Variants in SPACA3 observed in about 807,000 individuals in gnomAD.
SPACA3 encodes the protein sperm acrosome membrane-associated protein 3.
A neutral mutation model predicts 24.5 loss-of-function variants in SPACA3; 21 were observed. The observed-to-expected ratio is 0.86, with a 90% CI of 0.61 to 1.24. The LOEUF is 1.24. SPACA3 is among the 50% of genes most tolerant of loss of function. The pLI, the probability that SPACA3 is intolerant of heterozygous loss-of-function variation, is 0.00. For missense variants in SPACA3, 278 were observed against 275.5 expected, an observed-to-expected ratio of 1.01 and a Z score of -0.06; for synonymous variants, 115 against 106.9, an observed-to-expected ratio of 1.08 and a Z score of -0.47.
intron 3 of SPACA3, 96 bp downstream of exon 3, chr17:32,997,097 G>T: frequency 7.2e-7 from 1 of 1,389,330 alleles, no homozygotes; most frequent in Non-Finnish European, 9.6e-7. Context: ...CTCTGAGTGA[G>T]GGTTCCCCCA....
chr17:32,997,574 G>C (rs1168017729), intron 4 of SPACA3, 51 bp downstream of exon 4: 1 of 1,573,784 alleles, frequency 6.4e-7, no homozygotes, highest in Admixed American at 1.7e-5. Flanking sequence ...TAGGACTGGT[G>C]GGCAGCAGCA....
chr17:32,995,206 A>C (rs1207855045), intron 1 of SPACA3, among the ~76,000 whole-genome samples: 5 of 152,182 alleles, frequency 3.3e-5, no homozygotes, highest in Non-Finnish European at 7.3e-5. Flanking sequence ...CCTCAGGACT[A>C]AATAATCCGT....
intron 1 of SPACA3, 136 bp downstream of exon 1, chr17:32,992,108 G>GGAGAGA (rs113235680): frequency 1.1e-5 from 8 of 719,336 alleles, no homozygotes; most frequent in Admixed American, 2.6e-5. Flanking sequence ...AGCTGAGAGA[G>GGAGAGA]GAGAGAGAGA....
intron 1 of SPACA3, chr17:32,992,706 G>A (rs1329596356): frequency 2.7e-6 from 1 of 364,106 alleles, no homozygotes; most frequent in Non-Finnish European, 5.4e-6. Flanking sequence ...ATGAGTCAGA[G>A]TTAACCATGT....
rs779828264 is a variant in SPACA3, at chr17:32,995,525, G to A, written c.151G>A (p.Ala51Thr). The change falls in exon 2 of 5, where the codon GCC (alanine) becomes ACC (threonine). Residue 51 changes from alanine to threonine, a missense_variant. Physicochemically the swap from Ala to Thr is moderately conservative, Grantham distance 58 (BLOSUM62 0). Transcript: ENST00000269053. ...GAGTGGTGGTGGCTCCACCTCTGCC[G>A]CCGGCATAGAAGCCAGGAGCAGGGC... ...SQSGGGSTSA[A>T]GIEARSRALR... The A allele has an allele frequency of 3.7e-5, 59 of 1,614,056 alleles. No individual in the cohort carries two copies. In the Middle Eastern group the frequency reaches 4.9e-4, roughly 13 times the overall value.
chr17:32,994,537 T>C (rs2091710593), intron 1 of SPACA3, among the ~76,000 whole-genome samples: 1 of 152,120 alleles, frequency 6.6e-6, no homozygotes, highest in Non-Finnish European at 1.5e-5. Context: ...CTCTTTCACT[T>C]TTTGACTCTG....
chr17:32,995,004 G>C (rs755662647), intron 1 of SPACA3, among the ~76,000 whole-genome samples: 79 of 152,192 alleles, frequency 5.2e-4, no homozygotes, highest in Admixed American at 6.5e-4. Context: ...TTCTGGGGGA[G>C]ACCTTGTTTC....
Position 32,995,501 on chromosome 17 carries a change from A to AGTG in SPACA3, c.135_137dup (p.Gly46dup). The AGTG allele has an allele frequency of 1.9e-6, 3 of 1,614,104 alleles. No homozygotes were observed. Among genetic ancestry groups the AGTG allele is most frequent in the Non-Finnish European group, 2.5e-6 (3 of 1,180,026 alleles). ...ATCCCAAAGCTCAGCTCTGAGCCAG[A>AGTG]GTGGTGGTGGCTCCACCTCTGCCGC... On this transcript the variant is annotated inframe_insertion, in exon 2 of 5. Transcript: ENST00000269053.
chr17:32,992,574 G>A (rs928759735), intron 1 of SPACA3, among the ~76,000 whole-genome samples: 2 of 152,208 alleles, frequency 1.3e-5, no homozygotes, highest in African/African-American at 4.8e-5. Flanking sequence ...GGGAAAGACT[G>A]ACATCTATTC....
At chr17:32,997,079 A>C in intron 3 of SPACA3, 78 bp downstream of exon 3, 1 of 1,448,360 alleles carries the variant, frequency 6.9e-7, no homozygotes, top group Non-Finnish European at 9.1e-7. Context: ...TTAGTTTGCT[A>C]CCCCCATCTC....
chr17:32,996,937 C>T lies in SPACA3; in HGVS notation c.438C>T (p.Asn146=). The T allele has an allele frequency of 6.2e-7, 1 of 1,607,606 alleles. No homozygotes were observed. The highest frequency in any genetic ancestry group is 1.3e-5 in the African/African-American group (1 of 74,780). Residue 146 remains asparagine (N), a synonymous_variant, in exon 3 of 5, where the codon AAC becomes AAT. Transcript: ENST00000269053. ...GSTNNGIFQI[N]SRRWCSNLTP... Reference sequence around the variant, plus strand: ...CCAACAACGGGATCTTCCAGATCAACAGCCGGAGGTGGTGCAGCAACCTCA... The same window carrying T: ...CCAACAACGGGATCTTCCAGATCAATAGCCGGAGGTGGTGCAGCAACCTCA...
intron 2 of SPACA3, among the ~76,000 whole-genome samples, chr17:32,996,313 A>G (rs1421604078): frequency 6.6e-6 from 1 of 152,058 alleles, no homozygotes; most frequent in Non-Finnish European, 1.5e-5. Context: ...ATATGGCGAA[A>G]CCCCGTCTCT....
At position 32,997,877 on chromosome 17, in the gene SPACA3, A is replaced by G; in HGVS notation, c.*99A>G. On this transcript the variant is annotated 3_prime_UTR_variant, in exon 5 of 5. Transcript: ENST00000269053. Reference sequence around the variant, plus strand: ...GCGAATAAAGGATGGTTGAACGTGAATATGGCTCTCAGCTCTCAGTGTGTC... The same window carrying G: ...GCGAATAAAGGATGGTTGAACGTGAGTATGGCTCTCAGCTCTCAGTGTGTC... 7.9e-7 allele frequency: 1 copy of G among 1,260,496 alleles called. No individual in the cohort carries two copies. Among genetic ancestry groups the G allele is most frequent in the African/African-American group, 1.5e-5 (1 of 67,842 alleles). 78.1% of individuals were successfully genotyped at this position (1,260,496 alleles called of 1,614,324 possible).
In SPACA3 at chr17:32,991,871, C is replaced by A; in HGVS notation, c.-68C>A. 5 of 1,610,100 alleles carry A rather than the reference C, an allele frequency of 3.1e-6. No homozygotes were observed. The highest frequency in any genetic ancestry group is 4.2e-6 in the Non-Finnish European group (5 of 1,176,842). On this transcript the variant is annotated 5_prime_UTR_variant, in exon 1 of 5. Transcript: ENST00000269053. ...TAACACTGGGTGCCTGGGGCCCTGGCAAGGTTGTGGGGGACATCTTGAGCT... is the reference window on the plus strand; with the variant it reads ...TAACACTGGGTGCCTGGGGCCCTGGAAAGGTTGTGGGGGACATCTTGAGCT...
chr17:32,992,079 C>G (rs1598220988), intron 1 of SPACA3, 107 bp downstream of exon 1: 13 of 1,201,262 alleles, frequency 1.1e-5, no homozygotes, highest in Non-Finnish European at 1.5e-5. Context: ...TGGGGTTATC[C>G]TGGCCTGGAA....
At chr17:32,996,114 A>G (rs1207637912) in intron 2 of SPACA3, among the ~76,000 whole-genome samples, 1 of 152,242 alleles carries the variant, frequency 6.6e-6, no homozygotes, top group African/African-American at 2.4e-5. Flanking sequence ...AAGGGCAGTC[A>G]TACCGGGGCT....
intron 3 of SPACA3, 83 bp from the exon 4 acceptor site, chr17:32,997,362 C>A: frequency 1.1e-6 from 1 of 925,276 alleles, no homozygotes; most frequent in Non-Finnish European, 1.7e-6. Flanking sequence ...GAGAGAGAGA[C>A]AGACAGATAC....
At chr17:32,996,765 G>A in intron 2 of SPACA3, 78 bp from the exon 3 acceptor site, 3 of 1,372,150 alleles carry the variant, frequency 2.2e-6, no homozygotes, top group Non-Finnish European at 2.8e-6. Flanking sequence ...GAGCCAGCGT[G>A]GGACCTGTGC....
chr17:32,995,689 C>T lies in SPACA3; in HGVS notation c.315C>T (p.Asp105=), dbSNP rs199736765. 1.8e-5 allele frequency: 29 copies of T among 1,614,024 alleles called. No individual in the cohort carries two copies. Among genetic ancestry groups the T allele is most frequent in the East Asian group, 6.7e-5 (3 of 44,876 alleles). The stretch of plus-strand genomic sequence containing the variant: ...GAGTGCTACATGACTTCGGGCTGGA[C>T]GGATACCGGGGATACAGCCTGGCTG... ...LARVLHDFGL[D]GYRGYSLADW... The change falls in exon 2 of 5, where the codon GAC becomes GAT. Residue 105 remains aspartate, a synonymous_variant. Transcript: ENST00000269053.
Sources: allele counts gnomAD v4.1 joint callset (sites outside exome capture counted in the v4.1 genomes callset), GRCh38; gene constraint gnomAD v4.1.1; transcripts MANE v1.5; gene names NCBI Gene and HGNC (gene_info 2026-07-23, HGNC 2026-07-21).